LRP1B: variants seen among roughly 807,000 people sequenced by gnomAD.
LRP1B encodes low-density lipoprotein receptor-related protein 1B.
Under a neutral mutation model 556.6 loss-of-function variants are expected in LRP1B, and 217 were observed. The observed-to-expected ratio is 0.39, with a 90% confidence interval of 0.35 to 0.44. LRP1B has a LOEUF of 0.44. Ranked by LOEUF, LRP1B falls within the 20% of genes least tolerant of loss-of-function variation. LRP1B has a pLI of 1.00. For missense variants in LRP1B, 5,053 were observed against 5,620.8 expected, an observed-to-expected ratio of 0.90 and a Z score of 3.23; for synonymous variants, 2,047 against 1,865.8, an observed-to-expected ratio of 1.10 and a Z score of -2.50.
At chr2:140,372,888 T>G (rs551134654) in intron 69 of LRP1B, 120 bp downstream of exon 69, 1 of 1,070,494 alleles carries the variant, frequency 9.3e-7, no homozygotes, top group Non-Finnish European at 1.4e-6. Context: ...TTGCAGACCC[T>G]TTCTTAAAAA....
chr2:141,201,526 A>G (rs916557631), intron 6 of LRP1B, among the ~76,000 whole-genome samples: 10 of 152,082 alleles, frequency 6.6e-5, no homozygotes, highest in Non-Finnish European at 1.5e-4. Context: ...TTCTGTTTGC[A>G]TATATTAGAT....
intron 35 of LRP1B, among the ~76,000 whole-genome samples, chr2:140,718,112 C>A (rs980038838): frequency 6.6e-6 from 1 of 151,958 alleles, no homozygotes; most frequent in South Asian, 2.1e-4. Context: ...AAACATTAGA[C>A]TTATACGTCC....
At chr2:141,626,547 G>A (rs116086306) in intron 2 of LRP1B, among the ~76,000 whole-genome samples, 5,176 of 152,116 alleles carry the variant, frequency 0.034, 162 homozygotes, top group South Asian at 0.15. Context: ...AAACATTTAC[G>A]AAAGACATAT....
intron 2 of LRP1B, among the ~76,000 whole-genome samples, chr2:141,669,655 G>A (rs1196111707): frequency 2.0e-5 from 3 of 151,730 alleles, no homozygotes; most frequent in Non-Finnish European, 4.4e-5. Context: ...AATTCCCAGA[G>A]GAAGGAGGGT....
At chr2:141,129,135 T>C (rs535961032) in intron 7 of LRP1B, among the ~76,000 whole-genome samples, 5 of 152,176 alleles carry the variant, frequency 3.3e-5, no homozygotes, top group African/African-American at 9.6e-5. Context: ...TTTACTTGCA[T>C]GAAAAACAAA....
At chr2:141,814,835 T>C (rs2105716826) in intron 1 of LRP1B, among the ~76,000 whole-genome samples, 1 of 152,072 alleles carries the variant, frequency 6.6e-6, no homozygotes, top group Middle Eastern at 3.4e-3. Context: ...TAGGTGTAGA[T>C]TAAATTAAAG....
chr2:142,095,674 G>C (rs1706334446), intron 1 of LRP1B, among the ~76,000 whole-genome samples: 1 of 151,562 alleles, frequency 6.6e-6, no homozygotes, highest in South Asian at 2.1e-4. Context: ...TTCCCTTTTT[G>C]AAGTAAGAAA....
chr2:140,342,821 TTAAAAG>T (rs982352107), intron 77 of LRP1B, among the ~76,000 whole-genome samples: 17 of 151,582 alleles, frequency 1.1e-4, no homozygotes, highest in Admixed American at 2.0e-4. Flanking sequence ...ACATAAATAT[TTAAAAG>T]TAAAAGTATT....
At chr2:141,760,336 T>A (rs1694493673) in intron 2 of LRP1B, among the ~76,000 whole-genome samples, 1 of 152,130 alleles carries the variant, frequency 6.6e-6, no homozygotes, top group Admixed American at 6.6e-5. Flanking sequence ...AAAAAACACA[T>A]CTTCATTAGG....
At chr2:140,434,063 TA>T (rs1318678310) in intron 66 of LRP1B, among the ~76,000 whole-genome samples, 10 of 141,838 alleles carry the variant, frequency 7.1e-5, no homozygotes, top group Non-Finnish European at 1.4e-4. Context: ...TTCTTTCTTT[TA>T]TTTATTTATT....
At chr2:140,734,664 A>C (rs1256702908) in intron 35 of LRP1B, among the ~76,000 whole-genome samples, 2 of 152,260 alleles carry the variant, frequency 1.3e-5, no homozygotes, top group East Asian at 3.9e-4. Context: ...TAGGGTAAAT[A>C]ATTGACAGAT....
At chr2:141,598,272 A>G (rs1687595482) in intron 2 of LRP1B, among the ~76,000 whole-genome samples, 3 of 152,008 alleles carry the variant, frequency 2.0e-5, no homozygotes, top group Non-Finnish European at 1.5e-5. Context: ...GCACTTACCT[A>G]TTTTTGTTAC....
At position 140,404,331 on chromosome 2, in the gene LRP1B, C is replaced by A. The variant is rs575037508; in HGVS notation, c.10415-18322G>T. On this transcript the variant is annotated intron_variant, in intron 66 of 90. Transcript: ENST00000389484. ...CTGAGACTTCAGGTGCCCGCCACCA[C>A]GCCCAGCTATCTTTGTATTTTTAGT... 2.0e-5 allele frequency among the ~76,000 whole-genome samples: 3 copies of A among 151,892 alleles called. No individual in the cohort carries two copies. The East Asian group carries it at 5.9e-4, about 30-fold the overall frequency.
At chr2:140,707,572 A>T (rs1355608623) in intron 37 of LRP1B, among the ~76,000 whole-genome samples, 1 of 152,136 alleles carries the variant, frequency 6.6e-6, no homozygotes, top group Non-Finnish European at 1.5e-5. Flanking sequence ...ATAAGTCAAC[A>T]TGTCCATGGC....
At chr2:141,220,436 C>A (rs1209419342) in intron 6 of LRP1B, among the ~76,000 whole-genome samples, 4 of 151,846 alleles carry the variant, frequency 2.6e-5, no homozygotes, top group African/African-American at 9.7e-5. Flanking sequence ...AGGATAGGAC[C>A]TATGACTGAT....
At chr2:140,461,069 G>GAAAAAAAAA (rs1217803995) in intron 60 of LRP1B, among the ~76,000 whole-genome samples, 1 of 72,292 alleles carries the variant, frequency 1.4e-5, no homozygotes, top group African/African-American at 5.0e-5. Context: ...ACTCAAAAAA[G>GAAAAAAAAA]AAAAAAAAAA....
chr2:140,461,317 T>A (rs533988476), intron 60 of LRP1B, among the ~76,000 whole-genome samples: 240 of 152,198 alleles, frequency 1.6e-3, no homozygotes, highest in African/African-American at 5.5e-3. Flanking sequence ...CGTTCTCAGC[T>A]TTTTTTGAGT....
chr2:141,093,151 T>C (rs1330016854), intron 7 of LRP1B, among the ~76,000 whole-genome samples: 1 of 151,824 alleles, frequency 6.6e-6, no homozygotes, highest in Non-Finnish European at 1.5e-5. Flanking sequence ...AAAAAGATAA[T>C]TATATTTTTA....
At chr2:141,103,525 T>A (rs974257581) in intron 7 of LRP1B, among the ~76,000 whole-genome samples, 2 of 151,764 alleles carry the variant, frequency 1.3e-5, no homozygotes, top group African/African-American at 2.4e-5. Context: ...ACACACATTC[T>A]CTCTCTCTCT....
Sources: gnomAD v4.1 joint callset for allele counts (sites outside exome capture counted in the v4.1 genomes callset) on GRCh38, gnomAD v4.1.1 for gene constraint, MANE v1.5 for transcripts, NCBI Gene and HGNC (gene_info 2026-07-23, HGNC 2026-07-21) for gene names.